The following PCCA variants were observed in gnomAD, a reference collection of about 807,000 sequenced individuals.
PCCA encodes the protein propionyl-CoA carboxylase subunit alpha.
In PCCA, 74 loss-of-function variants were observed where a neutral mutation model predicts 101.3. The ratio of observed to expected loss-of-function variants is 0.73; its 90% confidence interval spans 0.61 to 0.89. The LOEUF (loss-of-function observed/expected upper bound fraction) is 0.89. PCCA is among the 40% of genes least tolerant of loss of function. The pLI is 0.00. For synonymous variants in PCCA, 294 were observed against 313.6 expected (o/e 0.94, Z 0.66); for missense variants, 891 against 907.0 (o/e 0.98, Z 0.23).
At chr13:100,474,651 A>G (rs2083285584) in intron 21 of PCCA, among the ~76,000 whole-genome samples, 1 of 151,900 alleles carries the variant, frequency 6.6e-6, no homozygotes, top group Non-Finnish European at 1.5e-5. Flanking sequence ...ATGCCTGGTT[A>G]ATTTTTTAGG....
At chr13:100,319,246 G>A (rs1245448217) in intron 16 of PCCA, among the ~76,000 whole-genome samples, 1 of 152,166 alleles carries the variant, frequency 6.6e-6, no homozygotes, top group Admixed American at 6.5e-5. Context: ...CCCTTTGTCA[G>A]GTGAGTAGAT....
intron 1 of PCCA, among the ~76,000 whole-genome samples, chr13:100,095,312 G>A (rs9557378): frequency 0.29 from 43,690 of 152,030 alleles, 7,240 homozygotes; most frequent in East Asian, 0.69. Context: ...GTTCCAGGAC[G>A]TGGACACATC....
At chr13:100,198,920 T>TC (rs1486832640) in intron 6 of PCCA, among the ~76,000 whole-genome samples, 2 of 151,722 alleles carry the variant, frequency 1.3e-5, no homozygotes, top group East Asian at 3.8e-4. Flanking sequence ...TACAATTTTT[T>TC]TTTTTTTTTT....
intron 21 of PCCA, chr13:100,490,936 G>A (rs191163060): frequency 6.6e-6 from 1 of 152,420 alleles, no homozygotes; most frequent in East Asian, 1.9e-4. Context: ...CAACTTCAGT[G>A]AGCTTCAAAA....
intron 21 of PCCA, among the ~76,000 whole-genome samples, chr13:100,487,203 A>C (rs1221512361): frequency 1.2e-4 from 18 of 152,224 alleles, no homozygotes; most frequent in Admixed American, 1.2e-3. Flanking sequence ...AATCATTGTT[A>C]CCTGTATAAT....
At chr13:100,505,899 G>A (rs2086038244) in intron 21 of PCCA, among the ~76,000 whole-genome samples, 1 of 134,922 alleles carries the variant, frequency 7.4e-6, no homozygotes, top group Admixed American at 8.7e-5. Context: ...CTTTCATTCT[G>A]AACAACCAGA....
intron 6 of PCCA, among the ~76,000 whole-genome samples, chr13:100,179,733 GTGTGTGTGTGTT>G (rs1239727429): frequency 3.2e-5 from 3 of 92,816 alleles, no homozygotes; most frequent in Non-Finnish European, 7.9e-5. Context: ...TCCTGTCTGT[GTGTGTGTGTGTT>G]TGTGTGTGTG....
chr13:100,200,602 T>G (rs919555849), intron 6 of PCCA, among the ~76,000 whole-genome samples: 1 of 150,720 alleles, frequency 6.6e-6, no homozygotes, highest in Non-Finnish European at 1.5e-5. Flanking sequence ...TATATATGTA[T>G]ATTGCTTATA....
chr13:100,377,646 C>G (rs748637206), intron 19 of PCCA, among the ~76,000 whole-genome samples: 4 of 152,068 alleles, frequency 2.6e-5, no homozygotes, highest in Non-Finnish European at 5.9e-5. Flanking sequence ...AGGCGCCTGC[C>G]ACCACGCCCG....
intron 7 of PCCA, among the ~76,000 whole-genome samples, chr13:100,232,441 C>A (rs1407634457): frequency 2.7e-5 from 4 of 150,878 alleles, no homozygotes; most frequent in Non-Finnish European, 5.9e-5. Flanking sequence ...AGTGCAGTGG[C>A]GCCATCATGG....
chr13:100,241,023 G>A (rs886809327), intron 8 of PCCA, among the ~76,000 whole-genome samples: 2 of 151,954 alleles, frequency 1.3e-5, no homozygotes, highest in Non-Finnish European at 2.9e-5. Context: ...GTCAGTTCTC[G>A]CCTACCCCCT....
chr13:100,206,825 T>G (rs1337811442), intron 6 of PCCA, among the ~76,000 whole-genome samples: 1 of 152,136 alleles, frequency 6.6e-6, no homozygotes, highest in African/African-American at 2.4e-5. Flanking sequence ...TCCTAAGACC[T>G]TCATGTGAGA....
chr13:100,455,121 T>C (rs1055688485), intron 21 of PCCA, among the ~76,000 whole-genome samples: 1 of 152,132 alleles, frequency 6.6e-6, no homozygotes, highest in Non-Finnish European at 1.5e-5. Context: ...ATATGTAGTA[T>C]GTCAAGCAGT....
At chr13:100,210,270 G>T (rs560541185) in intron 7 of PCCA, among the ~76,000 whole-genome samples, 2 of 152,338 alleles carry the variant, frequency 1.3e-5, no homozygotes, top group South Asian at 4.1e-4. Context: ...GAACCATTGT[G>T]CCTGGCCAAC....
intron 6 of PCCA, among the ~76,000 whole-genome samples, chr13:100,197,317 C>G (rs1190074180): frequency 6.6e-6 from 1 of 152,196 alleles, no homozygotes; most frequent in Non-Finnish European, 1.5e-5. Flanking sequence ...AAGCAGTCCT[C>G]CTGCCCTGGC....
intron 6 of PCCA, among the ~76,000 whole-genome samples, chr13:100,166,862 C>T (rs1037725777): frequency 4.6e-5 from 7 of 152,066 alleles, no homozygotes; most frequent in African/African-American, 9.7e-5. Flanking sequence ...TTTACATTTC[C>T]GCCAACAATG....
intron 5 of PCCA, 31 bp from the exon 6 acceptor site, chr13:100,157,256 A>G (rs747548074): frequency 6.5e-7 from 1 of 1,543,876 alleles, no homozygotes; most frequent in Non-Finnish European, 9.0e-7. Context: ...ATATGATAAA[A>G]TTGAAAGTGC....
intron 6 of PCCA, among the ~76,000 whole-genome samples, chr13:100,164,806 C>T (rs1375041471): frequency 6.6e-6 from 1 of 152,076 alleles, no homozygotes; most frequent in Non-Finnish European, 1.5e-5. Flanking sequence ...TTATAATCAC[C>T]CCAAACTGAA....
chr13:100,387,557 T>C (rs747855415), intron 19 of PCCA, among the ~76,000 whole-genome samples: 19 of 152,194 alleles, frequency 1.2e-4, no homozygotes, highest in Non-Finnish European at 2.6e-4. Flanking sequence ...TGACTCCTTA[T>C]CCCAAGCTAA....
Sources: allele counts gnomAD v4.1 joint callset (sites outside exome capture counted in the v4.1 genomes callset), GRCh38; gene constraint gnomAD v4.1.1; transcripts MANE v1.5; gene names NCBI Gene and HGNC (gene_info 2026-07-23, HGNC 2026-07-21).